The following PKP4 variants were observed in gnomAD, a reference collection of about 807,000 sequenced individuals.
PKP4 encodes the protein plakophilin-4.
A neutral mutation model predicts 145.1 loss-of-function variants in PKP4; 90 were observed. The ratio of observed to expected loss-of-function variants is 0.62; its 90% CI spans 0.52 to 0.74. PKP4 has a LOEUF of 0.74. Ranked by LOEUF, PKP4 falls within the 30% of genes least tolerant of loss-of-function variation. PKP4 has a pLI of 0.00. For missense variants in PKP4, 1,340 were observed against 1,482.7 expected, an observed-to-expected ratio of 0.90 and a Z score of 1.58; for synonymous variants, 563 against 577.2, an observed-to-expected ratio of 0.98 and a Z score of 0.35.
chr2:158,526,251 A>T (rs10454744), intron 1 of PKP4, among the ~76,000 whole-genome samples: 1 of 104,420 alleles, frequency 9.6e-6, no homozygotes, highest in African/African-American at 3.6e-5. Context: ...TACTGGCAAA[A>T]CGAATCCAGC....
rs998514385 is a variant in PKP4 at position 158,587,341 on chromosome 2, CAT to C, written c.245+9960_245+9961del. 1.4e-3 allele frequency among the ~76,000 whole-genome samples: 208 copies of C among 152,090 alleles called. 1 individual carries two copies. Among genetic ancestry groups the C allele is most frequent in the African/African-American group, 4.8e-3 (201 of 41,526 alleles). ...CAGTATTTCATTTTCTGTAATTTTT[CAT>C]AGTTTGCTTTCTGTAATTATATTAT... On this transcript the variant is annotated intron_variant, in intron 3 of 21. Coordinates refer to ENST00000389759, the MANE Select transcript of PKP4 (RefSeq NM_003628.6).
intron 4 of PKP4, among the ~76,000 whole-genome samples, chr2:158,606,678 C>G (rs1357854163): frequency 1.3e-5 from 2 of 152,244 alleles, no homozygotes; most frequent in East Asian, 3.9e-4. Context: ...GGGGAACATA[C>G]TGTATATGCA....
chr2:158,621,131 G>T lies in PKP4; in HGVS notation c.412+10G>T. ...CTCCATGAAAGTGAGGGTCTGTTGT[G>T]TTATCTTTTAAGTACTGGATTTGCT... On this transcript the variant is annotated intron_variant, in intron 5 of 21. Coordinates refer to ENST00000389759, the MANE Select transcript of PKP4 (RefSeq NM_003628.6). 6.2e-7 allele frequency: 1 copy of T among 1,614,084 alleles called. No individual in the cohort carries two copies. The highest frequency in any genetic ancestry group is 8.5e-7 in the Non-Finnish European group (1 of 1,179,960).
chr2:158,537,476 A>T (rs923633127), intron 2 of PKP4, among the ~76,000 whole-genome samples: 7 of 152,196 alleles, frequency 4.6e-5, no homozygotes, highest in Admixed American at 2.0e-4. Flanking sequence ...TTTAAGAGAA[A>T]TAAAAAGTCA....
At chr2:158,616,027 AACTTTT>A (rs1309016916) in intron 4 of PKP4, among the ~76,000 whole-genome samples, 1 of 152,232 alleles carries the variant, frequency 6.6e-6, no homozygotes, top group African/African-American at 2.4e-5. Flanking sequence ...ATTGAAATCC[AACTTTT>A]AAATGATATC....
At chr2:158,484,586 T>C (rs2105445588) in intron 1 of PKP4, among the ~76,000 whole-genome samples, 1 of 152,340 alleles carries the variant, frequency 6.6e-6, no homozygotes, top group Non-Finnish European at 1.5e-5. Flanking sequence ...TGGTTCCTGT[T>C]GAATATACAC....
chr2:158,663,326 A>C lies in PKP4; in HGVS notation c.2458A>C (p.Met820Leu), dbSNP rs770868336. Reference sequence around the variant, plus strand: ...GTCGAAGTCCCCCAAAGGGGTTGAGATGCTGTGGCACCCATCGGTGGTAAA... The same window carrying C: ...GTCGAAGTCCCCCAAAGGGGTTGAGCTGCTGTGGCACCCATCGGTGGTAAA... ...GLSKSPKGVE[M>L]LWHPSVVKPY... Residue 820 changes from methionine to leucine, a missense_variant, in exon 15 of 22, where the codon ATG becomes CTG. By Grantham distance (15) the Met-to-Leu change is conservative (BLOSUM62 2). Coordinates refer to ENST00000389759, the MANE Select transcript of PKP4 (RefSeq NM_003628.6). 27 of 1,613,950 alleles carry C rather than the reference A, an allele frequency of 1.7e-5. No individual in the cohort carries two copies. Among genetic ancestry groups the C allele is most frequent in the Non-Finnish European group, 2.2e-5 (26 of 1,179,990 alleles).
intron 4 of PKP4, among the ~76,000 whole-genome samples, chr2:158,610,320 T>C (rs1033399502): frequency 6.6e-6 from 1 of 152,158 alleles, no homozygotes. Context: ...TCTCGAAATA[T>C]ACAATCTCTG....
At position 158,625,092 on chromosome 2, in the gene PKP4, C is replaced by G. The variant is rs768265757; in HGVS notation, c.818C>G (p.Ser273Cys). ...ACATTACCTGCTGCACGGGCAGCCT[C>G]TCCGTACTCACAGAGACCCGCCTCC... ...STTLPAARAA[S>C]PYSQRPASPT... is the part of the protein sequence containing the mutation. The change falls in exon 7 of 22, where the codon TCT (serine) becomes TGT (cysteine). Residue 273 changes from serine to cysteine, a missense_variant. Transcript: ENST00000389759. 3 of 1,614,190 alleles carry G rather than the reference C, an allele frequency of 1.9e-6. No homozygotes were observed. Among genetic ancestry groups the G allele is most frequent in the Non-Finnish European group, 2.5e-6 (3 of 1,180,030 alleles).
At chr2:158,668,467 A>C (rs1575091683) in intron 16 of PKP4, among the ~76,000 whole-genome samples, 1 of 152,140 alleles carries the variant, frequency 6.6e-6, no homozygotes, top group African/African-American at 2.4e-5. Context: ...AGTGGGACCC[A>C]CCCTGCTGTC....
Position 158,643,123 on chromosome 2 carries a change from C to A in PKP4, c.1909+424C>A, listed in dbSNP as rs1437261247. On this transcript the variant is annotated intron_variant, in intron 11 of 21. Transcript: ENST00000389759. Reference sequence around the variant, plus strand: ...TTGTATTCCCACGTACTTTACTAGGCCCCAGGGATAGAAAGATGAATAAAA... The same window carrying A: ...TTGTATTCCCACGTACTTTACTAGGACCCAGGGATAGAAAGATGAATAAAA... 2.0e-5 allele frequency among the ~76,000 whole-genome samples: 3 copies of A among 152,042 alleles called. No homozygotes were observed. In the East Asian group the frequency reaches 5.8e-4, roughly 29 times the overall value.
At chr2:158,492,989 T>C (rs1695167106) in intron 1 of PKP4, among the ~76,000 whole-genome samples, 1 of 152,156 alleles carries the variant, frequency 6.6e-6, no homozygotes, top group Middle Eastern at 3.2e-3. Context: ...ATGTTTGTTT[T>C]AGTTTTTTAT....
rs5835710 is a variant in PKP4, at chr2:158,504,675, T to TA, written c.-5-28495dup. On this transcript the variant is annotated intron_variant, in intron 1 of 21. Transcript: ENST00000389759. The stretch of plus-strand genomic sequence containing the variant: ...GGCCTTATGATCTTCTAAATATCCT[T>TA]AAAAAAAAAACCAACTTTATTACCT... 3.0e-3 allele frequency among the ~76,000 whole-genome samples: 458 copies of TA among 151,202 alleles called. 2 individuals carry two copies. The highest frequency in any genetic ancestry group is 9.9e-3 in the African/African-American group (407 of 41,292).
chr2:158,529,332 A>G (rs928859437), intron 1 of PKP4, among the ~76,000 whole-genome samples: 3 of 152,204 alleles, frequency 2.0e-5, no homozygotes, highest in Admixed American at 6.5e-5. Context: ...GCCTGTCAAC[A>G]TTGGATTTCT....
At chr2:158,626,851 C>CT (rs1351775348) in intron 7 of PKP4, among the ~76,000 whole-genome samples, 9 of 151,994 alleles carry the variant, frequency 5.9e-5, no homozygotes, top group Admixed American at 4.6e-4. Context: ...TTCGTGAAAG[C>CT]TTTTTTTTAC....
chr2:158,635,929 A>G, intron 9 of PKP4, among the ~76,000 whole-genome samples: 1 of 21,382 alleles, frequency 4.7e-5, no homozygotes. Flanking sequence ...GAAGTAATTC[A>G]CTACAAGTTT....
chr2:158,582,299 G>GA (rs961856222), intron 3 of PKP4, among the ~76,000 whole-genome samples: 4 of 152,254 alleles, frequency 2.6e-5, no homozygotes, highest in African/African-American at 9.6e-5. Context: ...AATTAGGGAA[G>GA]AAAAAACTTT....
intron 10 of PKP4, 139 bp from the exon 11 acceptor site, chr2:158,642,347 G>A (rs752697426): frequency 1.0e-4 from 64 of 628,490 alleles, no homozygotes; most frequent in Non-Finnish European, 1.5e-4. Flanking sequence ...TATAAAAGTT[G>A]TCTTATTTGG....
At position 158,621,340 on chromosome 2, in the gene PKP4, C is replaced by T. The variant is rs779753190; in HGVS notation, c.522C>T (p.Asn174=). Residue 174 remains asparagine, a synonymous_variant, in exon 6 of 22, where the codon AAC becomes AAT. Transcript: ENST00000389759. Reference sequence around the variant, plus strand: ...GCCAGAACGTGAGCAAGGCAGACAACAGACAGCAGCATTCATTCATAGGAT... The same window carrying T: ...GCCAGAACGTGAGCAAGGCAGACAATAGACAGCAGCATTCATTCATAGGAT... ...HNSQNVSKAD[N]RQQHSFIGST... is the part of the protein sequence containing the mutation. 3 of 1,614,020 alleles carry T rather than the reference C, an allele frequency of 1.9e-6. No homozygotes were observed. In the African/African-American group the frequency reaches 4.0e-5, roughly 22 times the overall value.
Sources: allele counts gnomAD v4.1 joint callset (sites outside exome capture counted in the v4.1 genomes callset), GRCh38; gene constraint gnomAD v4.1.1; transcripts MANE v1.5; gene names NCBI Gene and HGNC (gene_info 2026-07-23, HGNC 2026-07-21).